The following CDK13 variants were observed in gnomAD, a reference collection of about 807,000 sequenced individuals.
CDK13 encodes cyclin-dependent kinase 13.
A neutral mutation model predicts 137.6 loss-of-function variants in CDK13; 40 were observed. The observed-to-expected ratio is 0.29, with a 90% CI of 0.23 to 0.38. The LOEUF is 0.38. Among genes scored for constraint, CDK13 ranks in the 10% least tolerant of loss-of-function variants. The pLI is 1.00. For missense variants in CDK13, 1,704 were observed against 1,951.8 expected (o/e 0.87, Z 2.39); for synonymous variants, 869 against 760.1 (o/e 1.14, Z -2.36).
chr7:40,062,898 C>T lies in CDK13; in HGVS notation c.2673C>T (p.Tyr891=), dbSNP rs2150526837. 1 of 1,613,626 alleles carries T rather than the reference C, an allele frequency of 6.2e-7. No individual in the cohort carries two copies. The highest frequency in any genetic ancestry group is 8.5e-7 in the Non-Finnish European group (1 of 1,179,572). The change falls in exon 8 of 14, where the codon TAC becomes TAT. Residue 891 remains tyrosine (Y), a synonymous_variant. Coordinates refer to ENST00000181839, the MANE Select transcript of CDK13 (RefSeq NM_003718.5). ...PPELLLGEER[Y]TPAIDVWSCG... ...AACTGCTACTGGGAGAAGAACGATA[C>T]ACACCAGCCATTGATGTATGGAGCT... is the stretch of plus-strand genomic sequence containing the variant.
At position 39,951,547 on chromosome 7, in the gene CDK13, G is replaced by A. The variant is rs2116067026; in HGVS notation, c.906G>A (p.Glu302=). 2 of 1,538,296 alleles carry A rather than the reference G, an allele frequency of 1.3e-6. No individual in the cohort carries two copies. Among genetic ancestry groups the A allele is most frequent in the Non-Finnish European group, 1.7e-6 (2 of 1,145,102 alleles). Residue 302 remains glutamate (E), a synonymous_variant, in exon 1 of 14, where the codon GAG becomes GAA. Transcript: ENST00000181839. ...AYKEPPKAYR[E]DKTEPKAYRR... ...AGGAACCGCCCAAGGCCTACCGGGA[G>A]GACAAGACCGAGCCTAAGGCCTACA...
At chr7:39,974,412 C>T (rs1287064002) in intron 1 of CDK13, among the ~76,000 whole-genome samples, 3 of 151,982 alleles carry the variant, frequency 2.0e-5, no homozygotes, top group African/African-American at 4.8e-5. Context: ...TACGTGAACA[C>T]GGGATGTCTT....
intron 5 of CDK13, among the ~76,000 whole-genome samples, chr7:40,003,548 C>G (rs1041642973): frequency 2.6e-5 from 4 of 152,138 alleles, no homozygotes; most frequent in African/African-American, 9.7e-5. Context: ...CCTTTTGAGT[C>G]TGTTATCCCT....
intron 5 of CDK13, among the ~76,000 whole-genome samples, chr7:40,029,089 A>G (rs1785309293): frequency 6.6e-6 from 1 of 151,980 alleles, no homozygotes; most frequent in African/African-American, 2.4e-5. Context: ...ATTTGCAACA[A>G]TTTGAGAAAA....
At chr7:40,089,437 CAAA>C (rs67433312) in intron 12 of CDK13, among the ~76,000 whole-genome samples, 14,074 of 123,780 alleles carry the variant, frequency 0.11, 723 homozygotes, top group Middle Eastern at 0.16. Flanking sequence ...GAGACTGTCT[CAAA>C]AAAAAAAAAA....
chr7:39,976,317 T>TCACACA (rs1240166684), intron 1 of CDK13, among the ~76,000 whole-genome samples: 20 of 63,818 alleles, frequency 3.1e-4, no homozygotes, highest in African/African-American at 6.5e-4. Context: ...TCTCTCTCTC[T>TCACACA]CTCTCTCACA....
intron 5 of CDK13, among the ~76,000 whole-genome samples, chr7:40,020,108 C>G (rs1297789489): frequency 6.6e-6 from 1 of 152,078 alleles, no homozygotes; most frequent in African/African-American, 2.4e-5. Context: ...TGCTCTGTCA[C>G]CTAGGCTGGA....
At chr7:40,034,311 G>A (rs779348093) in intron 5 of CDK13, among the ~76,000 whole-genome samples, 13 of 152,174 alleles carry the variant, frequency 8.5e-5, no homozygotes, top group Non-Finnish European at 1.8e-4. Flanking sequence ...GGGGGCAGTG[G>A]TTTGCCCTGT....
At chr7:40,057,889 CAT>C (rs1251326533) in intron 7 of CDK13, among the ~76,000 whole-genome samples, 1 of 152,014 alleles carries the variant, frequency 6.6e-6, no homozygotes, top group Non-Finnish European at 1.5e-5. Context: ...GGGGAAAGAA[CAT>C]GAGAGAAAAG....
At chr7:40,035,069 A>G (rs1408852651) in intron 5 of CDK13, among the ~76,000 whole-genome samples, 1 of 152,178 alleles carries the variant, frequency 6.6e-6, no homozygotes, top group Non-Finnish European at 1.5e-5. Context: ...CTGTTCACAC[A>G]GATAAACTCT....
intron 9 of CDK13, among the ~76,000 whole-genome samples, chr7:40,066,050 A>G (rs546108755): frequency 1.3e-5 from 2 of 152,202 alleles, no homozygotes; most frequent in East Asian, 1.9e-4. Context: ...AAAAACAACA[A>G]CAACAAATTA....
intron 5 of CDK13, among the ~76,000 whole-genome samples, chr7:40,029,547 C>T (rs937152653): frequency 5.3e-5 from 8 of 151,930 alleles, no homozygotes; most frequent in African/African-American, 1.9e-4. Context: ...TGGTGAAACC[C>T]CGTCTCTACT....
intron 1 of CDK13, among the ~76,000 whole-genome samples, chr7:39,971,579 A>G (rs1427202334): frequency 6.6e-6 from 1 of 151,588 alleles, no homozygotes; most frequent in Non-Finnish European, 1.5e-5. Context: ...TTCCTTCAGC[A>G]TAAATTGCTT....
chr7:40,083,679 T>C (rs1280309246), intron 11 of CDK13, among the ~76,000 whole-genome samples: 1 of 152,180 alleles, frequency 6.6e-6, no homozygotes, highest in Non-Finnish European at 1.5e-5. Flanking sequence ...CAGACTTAAT[T>C]TTATCAGAAC....
At chr7:39,977,306 T>C (rs545282923) in intron 1 of CDK13, among the ~76,000 whole-genome samples, 67 of 152,352 alleles carry the variant, frequency 4.4e-4, no homozygotes, top group African/African-American at 1.6e-3. Flanking sequence ...CTGCTGTGAA[T>C]TCTTTTCAAT....
chr7:39,978,201 A>C (rs1425650212), intron 1 of CDK13, among the ~76,000 whole-genome samples: 1 of 152,156 alleles, frequency 6.6e-6, no homozygotes, highest in Non-Finnish European at 1.5e-5. Flanking sequence ...GAAGGAAGAA[A>C]AACCTCAAGG....
Position 40,086,155 on chromosome 7 carries a change from C to A in CDK13, c.3030-1971C>A, listed in dbSNP as rs1786783016. ...TTTTTAAACTAATATTGCTAAGATT[C>A]AACCATATTATTGCATCTGCCTTTA... is the stretch of plus-strand genomic sequence containing the variant. On this transcript the variant is annotated intron_variant, in intron 11 of 13. Transcript: ENST00000181839. Among the ~76,000 whole-genome samples the A allele has an allele frequency of 2.0e-5, 3 of 152,158 alleles. No individual in the cohort carries two copies. In the South Asian group the frequency reaches 6.2e-4, roughly 32 times the overall value.
At chr7:40,000,174 G>A (rs562696041) in intron 4 of CDK13, among the ~76,000 whole-genome samples, 1 of 120,524 alleles carries the variant, frequency 8.3e-6, no homozygotes, top group East Asian at 2.0e-4. Context: ...CCAGGAGTTC[G>A]AGACCAGCCT....
chr7:40,029,675 C>T (rs1785325015), intron 5 of CDK13, among the ~76,000 whole-genome samples: 2 of 150,588 alleles, frequency 1.3e-5, no homozygotes, highest in African/African-American at 4.9e-5. Context: ...TTTTTTGAGA[C>T]AGCGTCTCGC....
Sources: allele counts gnomAD v4.1 joint callset (sites outside exome capture counted in the v4.1 genomes callset), GRCh38; gene constraint gnomAD v4.1.1; transcripts MANE v1.5; gene names NCBI Gene and HGNC (gene_info 2026-07-23, HGNC 2026-07-21).